The following NLN variants were observed in gnomAD, a reference collection of about 807,000 sequenced individuals.
The protein encoded by NLN is neurolysin.
In NLN, 64 loss-of-function variants were observed where a neutral mutation model predicts 79.9. The ratio of observed to expected loss-of-function variants is 0.80; its 90% confidence interval spans 0.65 to 0.99. The LOEUF is 0.99. Among genes scored for constraint, NLN ranks in the 50% least tolerant of loss-of-function variants. NLN has a pLI of 0.00. For synonymous variants in NLN, 267 were observed against 296.6 expected, an observed-to-expected ratio of 0.90 and a Z score of 1.02; for missense variants, 835 against 858.7, an observed-to-expected ratio of 0.97 and a Z score of 0.34.
At position 65,740,870 on chromosome 5, in the gene NLN, C is replaced by CT. The variant is rs35913094; in HGVS notation, c.42-17679dup. 417 of 126,700 alleles carry CT rather than the reference C, an allele frequency of 3.3e-3. 1 individual carries two copies. The highest frequency in any genetic ancestry group is 0.019 in the Middle Eastern group (5 of 266). 7.8% of individuals were successfully genotyped at this position (126,700 alleles called of 1,614,324 possible). On this transcript the variant is annotated intron_variant, in intron 1 of 12. Transcript: ENST00000380985. ...ATATATATATAATATATACGTAATT[C>CT]TTTTTTTTTTTTTTTTTTCTTGAGA...
intron 1 of NLN, among the ~76,000 whole-genome samples, chr5:65,728,176 C>T (rs1758520306): frequency 1.3e-5 from 2 of 152,084 alleles, no homozygotes. Context: ...ATATATAATC[C>T]AGCCACCTGG....
rs1760830683 is a variant in NLN, at chr5:65,822,818, G to A, written c.2018G>A (p.Gly673Glu). ...MKYRNLILKPGGSLDGMDMLH... is the reference protein window; with the variant it reads ...MKYRNLILKPEGSLDGMDMLH... ...TACAGAAACCTAATCCTGAAACCTG[G>A]GGGATCTCTGGACGGCATGGACATG... is the stretch of plus-strand genomic sequence containing the variant. The change falls in exon 13 of 13, where the codon GGG becomes GAG. Residue 673 changes from glycine (G) to glutamate (E), a missense_variant. Coordinates refer to ENST00000380985, the MANE Select transcript of NLN (RefSeq NM_020726.5). 1 of 1,611,510 alleles carries A rather than the reference G, an allele frequency of 6.2e-7. No individual in the cohort carries two copies. The highest frequency in any genetic ancestry group is 8.5e-7 in the Non-Finnish European group (1 of 1,177,788).
rs769755368 is a variant in NLN, at chr5:65,722,419, C to T, written c.41+5C>T. On this transcript the variant is annotated splice_donor_5th_base_variant and intron_variant, in intron 1 of 12. Coordinates refer to ENST00000380985, the MANE Select transcript of NLN (RefSeq NM_020726.5). ...GGCTGTGCGAAGCCTCCGCAGGTAC[C>T]TCCAGCGCGCGGGTTAACCTTGGCC... 4 of 1,586,400 alleles carry T rather than the reference C, an allele frequency of 2.5e-6. No homozygotes were observed. Among genetic ancestry groups the T allele is most frequent in the East Asian group, 2.4e-5 (1 of 42,522 alleles).
intron 1 of NLN, among the ~76,000 whole-genome samples, chr5:65,745,105 G>C (rs763199452): frequency 6.6e-6 from 1 of 152,118 alleles, no homozygotes; most frequent in Non-Finnish European, 1.5e-5. Context: ...TTTACTCTTT[G>C]AGAACAGGTG....
chr5:65,724,743 G>C (rs988050129), intron 1 of NLN, among the ~76,000 whole-genome samples: 1 of 151,334 alleles, frequency 6.6e-6, no homozygotes, highest in South Asian at 2.1e-4. Flanking sequence ...ATCATCATCA[G>C]CACTTATTTC....
At chr5:65,795,293 G>C (rs796232536) in intron 9 of NLN, among the ~76,000 whole-genome samples, 30 of 152,178 alleles carry the variant, frequency 2.0e-4, no homozygotes, top group African/African-American at 6.8e-4. Context: ...GAGGCTGAAG[G>C]GGGAGGATGG....
chr5:65,806,611 G>C (rs184222365), intron 9 of NLN, among the ~76,000 whole-genome samples: 25 of 152,262 alleles, frequency 1.6e-4, no homozygotes, highest in Admixed American at 3.9e-4. Flanking sequence ...TGCTTCTTAA[G>C]GATGAGCAAC....
At chr5:65,729,069 C>A (rs1387877694) in intron 1 of NLN, among the ~76,000 whole-genome samples, 1 of 152,138 alleles carries the variant, frequency 6.6e-6, no homozygotes, top group Non-Finnish European at 1.5e-5. Context: ...GTCTCTAATT[C>A]CTGGGCTCGA....
intron 3 of NLN, among the ~76,000 whole-genome samples, chr5:65,773,831 T>C (rs1007910901): frequency 2.0e-5 from 3 of 152,096 alleles, no homozygotes; most frequent in Admixed American, 6.6e-5. Context: ...TAATCCCAGC[T>C]ACTTGGGAGG....
chr5:65,755,707 G>A (rs903943799), intron 1 of NLN, among the ~76,000 whole-genome samples: 2 of 152,212 alleles, frequency 1.3e-5, no homozygotes, highest in Non-Finnish European at 2.9e-5. Context: ...ACTGGTGGAA[G>A]AAGAAATGTG....
At chr5:65,767,135 G>A (rs1219518679) in intron 3 of NLN, among the ~76,000 whole-genome samples, 1 of 152,240 alleles carries the variant, frequency 6.6e-6, no homozygotes. Context: ...ACTAGGCAGT[G>A]CCCTAGTGGG....
chr5:65,740,051 A>T (rs1337090392), intron 1 of NLN, among the ~76,000 whole-genome samples: 1 of 152,138 alleles, frequency 6.6e-6, no homozygotes, highest in Non-Finnish European at 1.5e-5. Context: ...GTGGGGTCAT[A>T]TCCAAAAAAT....
intron 3 of NLN, among the ~76,000 whole-genome samples, chr5:65,768,650 G>A (rs1759504459): frequency 6.6e-6 from 1 of 152,330 alleles, no homozygotes; most frequent in African/African-American, 2.4e-5. Context: ...CTGCAAGTCC[G>A]AGATCAGTGT....
At chr5:65,761,214 G>C (rs1759330098) in intron 2 of NLN, among the ~76,000 whole-genome samples, 1 of 151,986 alleles carries the variant, frequency 6.6e-6, no homozygotes, top group African/African-American at 2.4e-5. Context: ...TCCTGCATTT[G>C]ATGTTGCTTA....
chr5:65,784,361 A>G (rs1759869043), intron 6 of NLN, among the ~76,000 whole-genome samples: 1 of 152,200 alleles, frequency 6.6e-6, no homozygotes, highest in South Asian at 2.1e-4. Flanking sequence ...TCCCTGAAAC[A>G]TTTTTAAAAG....
chr5:65,775,983 T>C (rs1441626268), intron 3 of NLN, among the ~76,000 whole-genome samples: 2 of 152,220 alleles, frequency 1.3e-5, no homozygotes, highest in Non-Finnish European at 2.9e-5. Flanking sequence ...CCAGGCATGG[T>C]CACTCAAACC....
At chr5:65,788,055 G>A in intron 7 of NLN, 63 bp from the exon 8 acceptor site, 1 of 1,510,566 alleles carries the variant, frequency 6.6e-7, no homozygotes, top group Non-Finnish European at 9.0e-7. Context: ...AACACAGGTG[G>A]TATTTATGAG....
At chr5:65,816,844 G>A (rs1393417285) in intron 12 of NLN, among the ~76,000 whole-genome samples, 3 of 152,156 alleles carry the variant, frequency 2.0e-5, no homozygotes, top group Admixed American at 2.0e-4. Context: ...CCTAATGTGT[G>A]TGTGGGTCAT....
chr5:65,723,689 C>T (rs1758378335), intron 1 of NLN, among the ~76,000 whole-genome samples: 1 of 151,126 alleles, frequency 6.6e-6, no homozygotes, highest in Non-Finnish European at 1.5e-5. Flanking sequence ...GTGGCGGGCG[C>T]CTGTAGTCCC....
Sources: allele counts gnomAD v4.1 joint callset (sites outside exome capture counted in the v4.1 genomes callset), GRCh38; gene constraint gnomAD v4.1.1; transcripts MANE v1.5; gene names NCBI Gene and HGNC (gene_info 2026-07-23, HGNC 2026-07-21).